SENP1: variants seen among roughly 807,000 people sequenced by gnomAD.
SENP1 encodes the protein SUMO specific peptidase 1.
In SENP1, 21 loss-of-function variants were observed where a neutral mutation model predicts 93.0. That is an observed-to-expected ratio of 0.23 (90% CI 0.16 to 0.33). The LOEUF (loss-of-function observed/expected upper bound fraction) is 0.33, where lower values mean the gene tolerates loss of function less well. Among genes scored for constraint, SENP1 ranks in the 10% least tolerant of loss-of-function variants. The pLI is 1.00. For missense variants in SENP1, 591 were observed against 758.7 expected, an observed-to-expected ratio of 0.78 and a Z score of 2.60; for synonymous variants, 256 against 259.6, an observed-to-expected ratio of 0.99 and a Z score of 0.13.
In SENP1 at chr12:48,045,125, GT is replaced by G; in HGVS notation, c.*196del. The G allele has an allele frequency of 1.8e-6, 1 of 569,588 alleles. No homozygotes were observed. Among genetic ancestry groups the G allele is most frequent in the Non-Finnish European group, 3.2e-6 (1 of 314,028 alleles). 35.3% of individuals were successfully genotyped at this position (569,588 alleles called of 1,614,324 possible). On this transcript the variant is annotated 3_prime_UTR_variant, in exon 18 of 18. Transcript: ENST00000549518. ...CCCTCACCCCTTTCACAGCACCAAA[GT>G]TTCTTTGCAAAAATAGTATCTGAGA...
chr12:48,065,544 T>C (rs1943242059), intron 11 of SENP1, 52 bp downstream of exon 11: 1 of 1,237,852 alleles, frequency 8.1e-7, no homozygotes, highest in East Asian at 2.5e-5. Context: ...CAAAATAGTT[T>C]CTACTTTGAT....
chr12:48,091,033 C>T (rs760046648), intron 4 of SENP1, among the ~76,000 whole-genome samples: 8 of 152,046 alleles, frequency 5.3e-5, no homozygotes, highest in Non-Finnish European at 1.2e-4. Flanking sequence ...AGAAAATACA[C>T]CAAAAATTTA....
In SENP1 at chr12:48,043,644, A is replaced by G. The variant is rs1941150201; in HGVS notation, c.*1678T>C. 1 of 152,642 alleles carries G rather than the reference A, an allele frequency of 6.6e-6. No homozygotes were observed. The highest frequency in any genetic ancestry group is 2.1e-4 in the South Asian group (1 of 4,836). The allele number at this position is 152,642 out of a possible 1,614,324, so 9.5% of individuals were successfully genotyped here. A position where few individuals can be genotyped will look rare whatever the true frequency, so the allele number is the denominator to read the frequency against. On this transcript the variant is annotated 3_prime_UTR_variant, in exon 18 of 18. Transcript: ENST00000549518. ...GAAAAATAAAGAGAGATAGAAAGAG[A>G]AAGGGAAAGAAAGAGAGAGAAAAAA...
Position 48,057,941 on chromosome 12 carries a change from C to CTTTTTTTTTT in SENP1, c.1407+5759_1407+5768dup, listed in dbSNP as rs370210767. Among the ~76,000 whole-genome samples, 5 of 85,690 alleles carry CTTTTTTTTTT rather than the reference C, an allele frequency of 5.8e-5. 1 individual carries two copies. Among genetic ancestry groups the CTTTTTTTTTT allele is most frequent in the South Asian group, 9.2e-4 (2 of 2,166 alleles). 56.2% of individuals were successfully genotyped at this position (85,690 alleles called of 152,430 possible). A position where few individuals can be genotyped will look rare whatever the true frequency, so the allele number is the denominator to read the frequency against. On this transcript the variant is annotated intron_variant, in intron 13 of 17. Coordinates refer to ENST00000549518, the MANE Select transcript of SENP1 (RefSeq NM_001267594.2). Reference sequence around the variant, plus strand: ...TTTCACCTGTTTCATTTTATTTCCTCTTTTTTTTTTTTTTTTTTTTTTTGA... The same window carrying CTTTTTTTTTT: ...TTTCACCTGTTTCATTTTATTTCCTCTTTTTTTTTTTTTTTTTTTTTTTTTTTTTTTTTGA...
chr12:48,060,554 G>T (rs1322835937), intron 13 of SENP1, among the ~76,000 whole-genome samples: 2 of 152,102 alleles, frequency 1.3e-5, no homozygotes, highest in Non-Finnish European at 2.9e-5. Context: ...TTCTACTTTT[G>T]CAACTAATTT....
Position 48,048,992 on chromosome 12 carries a change from T to C in SENP1, c.1548A>G (p.Val516=). ...YQAVKRWTKK[V]DVFSVDILLV... is the part of the protein sequence containing the mutation. ...AAAGAATGTCAACAGAAAATACATCTACTTTCTTTGTCCAACGTTTCACTG... is the reference window on the plus strand; with the variant it reads ...AAAGAATGTCAACAGAAAATACATCCACTTTCTTTGTCCAACGTTTCACTG... The change falls in exon 14 of 18, where the codon GTA becomes GTG. Residue 516 remains valine, a synonymous_variant. Transcript: ENST00000549518. 6.8e-6 allele frequency: 11 copies of C among 1,613,786 alleles called. No individual in the cohort carries two copies. The highest frequency in any genetic ancestry group is 2.2e-5 in the East Asian group (1 of 44,870).
intron 4 of SENP1, among the ~76,000 whole-genome samples, chr12:48,093,719 T>TAA (rs60808565): frequency 0.019 from 2,533 of 135,822 alleles, 30 homozygotes; most frequent in African/African-American, 0.031. Flanking sequence ...CAGAAAATGA[T>TAA]AAAAAAAAAA....
At chr12:48,090,772 T>C (rs919504099) in intron 4 of SENP1, among the ~76,000 whole-genome samples, 5 of 151,948 alleles carry the variant, frequency 3.3e-5, no homozygotes, top group Non-Finnish European at 7.4e-5. Context: ...AATTTTTCTA[T>C]TGTTTTGGAG....
intron 15 of SENP1, among the ~76,000 whole-genome samples, chr12:48,047,480 T>C (rs1303531628): frequency 6.6e-6 from 1 of 152,248 alleles, no homozygotes; most frequent in East Asian, 1.9e-4. Flanking sequence ...ATCTAAAAAT[T>C]AAATCCAAAT....
chr12:48,091,662 C>T (rs1263342723), intron 4 of SENP1, among the ~76,000 whole-genome samples: 1 of 152,022 alleles, frequency 6.6e-6, no homozygotes, highest in Non-Finnish European at 1.5e-5. Context: ...TTTCATCCCA[C>T]TTTTCTCTGT....
intron 5 of SENP1, among the ~76,000 whole-genome samples, chr12:48,087,858 T>C (rs1364868139): frequency 6.6e-6 from 1 of 152,164 alleles, no homozygotes; most frequent in Non-Finnish European, 1.5e-5. Flanking sequence ...TCCTAAAATA[T>C]ACCAGGGCAG....
chr12:48,105,458 T>G (rs1010922886), intron 1 of SENP1: 14 of 518,910 alleles, frequency 2.7e-5, no homozygotes, highest in Non-Finnish European at 5.0e-5. Context: ...TTTCATAACC[T>G]GAGCAGGAGG....
rs35521150 is a variant in SENP1, at chr12:48,044,357, C to CAT, written c.*963_*964dup. 19,004 of 138,392 alleles carry CAT rather than the reference C, an allele frequency of 0.14. 1,580 individuals carry two copies. The highest frequency in any genetic ancestry group is 0.25 in the African/African-American group (9,390 of 37,500). The allele number at this position is 138,392 out of a possible 1,614,324, so 8.6% of individuals were successfully genotyped here. ...ATATCCCTGTGAAATTTTATACATA[C>CAT]ATATATATATATATATATGTATGTG... On this transcript the variant is annotated 3_prime_UTR_variant, in exon 18 of 18. Coordinates refer to ENST00000549518, the MANE Select transcript of SENP1 (RefSeq NM_001267594.2).
chr12:48,074,401 G>C lies in SENP1; in HGVS notation c.863C>G (p.Thr288Ser), dbSNP rs1342191902. 6.2e-7 allele frequency: 1 copy of C among 1,613,740 alleles called. No homozygotes were observed. The highest frequency in any genetic ancestry group is 2.2e-5 in the East Asian group (1 of 44,866). ...DVAFGSKDSGTLHHPHHHHSV... is the reference protein window; with the variant it reads ...DVAFGSKDSGSLHHPHHHHSV... ...GTGGTGATGATGGGGATGATGAAGA[G>C]TACCAGAATCTTTGGATCCAAATGC... Residue 288 changes from threonine to serine, a missense_variant, in exon 8 of 18, where the codon ACT becomes AGT. Physicochemically the swap from Thr to Ser is moderately conservative, Grantham distance 58. This residue lies in a region of SENP1 where 238 missense variants were observed against 259.1 expected (regional missense o/e 0.92). Transcript: ENST00000549518.
intron 4 of SENP1, 132 bp downstream of exon 4, chr12:48,096,211 G>A (rs1173899869): frequency 5.3e-6 from 3 of 562,576 alleles, no homozygotes; most frequent in Middle Eastern, 2.7e-4. Flanking sequence ...CCATTCAAAT[G>A]ATGTTTTAGT....
chr12:48,071,134 T>C (rs182016744), intron 9 of SENP1, among the ~76,000 whole-genome samples: 24 of 151,756 alleles, frequency 1.6e-4, no homozygotes, highest in Admixed American at 6.6e-4. Flanking sequence ...GGCAGAAAAA[T>C]TGTTTCAAGA....
chr12:48,066,910 T>C lies in SENP1; in HGVS notation c.1034+17A>G. The C allele has an allele frequency of 6.5e-7, 1 of 1,535,424 alleles. No homozygotes were observed. The highest frequency in any genetic ancestry group is 1.2e-5 in the South Asian group (1 of 83,684). ...TGAACTGATTGAGAAGGAAAAATGA[T>C]ACCAAAAATAACTTACAATTCTTTG... On this transcript the variant is annotated intron_variant, in intron 10 of 17. Transcript: ENST00000549518.
At chr12:48,084,515 C>T (rs1338696961) in intron 5 of SENP1, among the ~76,000 whole-genome samples, 1 of 147,016 alleles carries the variant, frequency 6.8e-6, no homozygotes, top group Admixed American at 6.9e-5. Context: ...GTGGCACGAC[C>T]TTGGCTCACA....
chr12:48,055,504 C>G (rs1487217302), intron 13 of SENP1: 2 of 152,152 alleles, frequency 1.3e-5, no homozygotes, highest in East Asian at 3.9e-4. Context: ...ATGCCTTTTT[C>G]CTGCCCACCA....
Sources: gnomAD v4.1 joint callset for allele counts (sites outside exome capture counted in the v4.1 genomes callset) on GRCh38, gnomAD v4.1.1 for gene constraint, gnomAD v4.1.1 regional missense constraint, MANE v1.5 for transcripts, NCBI Gene and HGNC (gene_info 2026-07-23, HGNC 2026-07-21) for gene names.